Variants in CSMD3 observed in about 807,000 individuals in gnomAD.
CSMD3 encodes the protein CUB and sushi domain-containing protein 3.
Under a neutral mutation model 435.2 loss-of-function variants are expected in CSMD3, and 177 were observed. The ratio of observed to expected loss-of-function variants is 0.41; its 90% CI spans 0.36 to 0.46. CSMD3 has a LOEUF of 0.46. CSMD3 is among the 20% of genes least tolerant of loss of function. The pLI is 0.34. For missense variants in CSMD3, 4,265 were observed against 4,504.6 expected (o/e 0.95, Z 1.52); for synonymous variants, 1,656 against 1,520.5 (o/e 1.09, Z -2.07).
chr8:112,561,609 G>A (rs1316851703), intron 24 of CSMD3, among the ~76,000 whole-genome samples: 5 of 151,450 alleles, frequency 3.3e-5, no homozygotes, highest in East Asian at 1.9e-4. Context: ...TCATCTTCAC[G>A]TTAATATTAT....
chr8:112,340,060 A>G (rs561963931), intron 42 of CSMD3, among the ~76,000 whole-genome samples: 2 of 152,192 alleles, frequency 1.3e-5, no homozygotes, highest in Non-Finnish European at 2.9e-5. Flanking sequence ...CATCATTCAA[A>G]TAAGAACATT....
At chr8:112,800,619 ATAT>A (rs1449256452) in intron 12 of CSMD3, among the ~76,000 whole-genome samples, 2 of 152,072 alleles carry the variant, frequency 1.3e-5, no homozygotes, top group Non-Finnish European at 2.9e-5. Flanking sequence ...CACCACAAAT[ATAT>A]CTTAACATTC....
At chr8:112,806,614 C>T (rs1020452713) in intron 12 of CSMD3, among the ~76,000 whole-genome samples, 3 of 152,062 alleles carry the variant, frequency 2.0e-5, no homozygotes, top group Admixed American at 6.6e-5. Context: ...TTTACCAGAT[C>T]CTGATCAAAT....
chr8:112,702,773 G>A (rs1476524102), intron 13 of CSMD3, among the ~76,000 whole-genome samples: 2 of 152,016 alleles, frequency 1.3e-5, no homozygotes, highest in Non-Finnish European at 2.9e-5. Flanking sequence ...TTCTTTGCCT[G>A]ATCGCTATGT....
chr8:113,009,152 T>C (rs1221547417), intron 6 of CSMD3, among the ~76,000 whole-genome samples: 1 of 151,808 alleles, frequency 6.6e-6, no homozygotes, highest in Non-Finnish European at 1.5e-5. Flanking sequence ...CAAAGGAGTC[T>C]AGAACCATGT....
chr8:112,915,138 T>C (rs1166274399), intron 10 of CSMD3, among the ~76,000 whole-genome samples: 1 of 151,916 alleles, frequency 6.6e-6, no homozygotes, highest in African/African-American at 2.4e-5. Flanking sequence ...AACATTTCCT[T>C]TTATATAGGT....
intron 7 of CSMD3, among the ~76,000 whole-genome samples, chr8:112,966,241 A>T (rs543329383): frequency 8.8e-4 from 133 of 151,832 alleles, no homozygotes; most frequent in African/African-American, 2.8e-3. Context: ...ATAATTTTTT[A>T]AAAGTTATAA....
intron 7 of CSMD3, among the ~76,000 whole-genome samples, chr8:112,956,717 GT>G (rs1216508836): frequency 6.6e-6 from 1 of 152,094 alleles, no homozygotes; most frequent in Non-Finnish European, 1.5e-5. Flanking sequence ...CAGTGGCAGT[GT>G]GTGTAAAAGG....
chr8:112,770,916 A>T (rs2078097085), intron 13 of CSMD3, among the ~76,000 whole-genome samples: 1 of 152,004 alleles, frequency 6.6e-6, no homozygotes, highest in Non-Finnish European at 1.5e-5. Context: ...TAGGATTTTC[A>T]AACTGATGAG....
chr8:112,648,189 G>T (rs764023039), intron 19 of CSMD3, among the ~76,000 whole-genome samples: 3 of 152,110 alleles, frequency 2.0e-5, no homozygotes, highest in African/African-American at 7.2e-5. Context: ...ACTAGTTACC[G>T]CTGGGGCAAA....
At chr8:112,597,484 A>C (rs1438402877) in intron 22 of CSMD3, among the ~76,000 whole-genome samples, 4 of 127,524 alleles carry the variant, frequency 3.1e-5, no homozygotes, top group Admixed American at 7.9e-5. Context: ...TCCAATCAAT[A>C]GAAAAAGAGG....
chr8:112,273,867 C>T (rs192624362), intron 59 of CSMD3, among the ~76,000 whole-genome samples: 1 of 146,926 alleles, frequency 6.8e-6, no homozygotes, highest in African/African-American at 2.5e-5. Context: ...CATAAAGGGC[C>T]AGTGAGATAA....
intron 64 of CSMD3, among the ~76,000 whole-genome samples, chr8:112,245,002 T>C (rs1489321390): frequency 2.0e-5 from 3 of 151,822 alleles, no homozygotes; most frequent in Admixed American, 6.6e-5. Flanking sequence ...TATTATTTTA[T>C]AAATTTTAAA....
intron 1 of CSMD3, among the ~76,000 whole-genome samples, chr8:113,434,595 A>G (rs1325042175): frequency 6.6e-6 from 1 of 152,214 alleles, no homozygotes; most frequent in Non-Finnish European, 1.5e-5. Flanking sequence ...CCGATGAGTG[A>G]CAATAACTTT....
chr8:112,579,544 CTT>C (rs1830190144), intron 23 of CSMD3, among the ~76,000 whole-genome samples: 1 of 151,832 alleles, frequency 6.6e-6, no homozygotes, highest in African/African-American at 2.4e-5. Context: ...ATGTATTGCT[CTT>C]GTTTTTAATA....
intron 20 of CSMD3, chr8:112,643,410 T>C (rs995333133): frequency 5.1e-5 from 6 of 118,344 alleles, no homozygotes; most frequent in African/African-American, 3.0e-4. Flanking sequence ...TTTTCCTTCA[T>C]GTAAATTTGC....
intron 41 of CSMD3, among the ~76,000 whole-genome samples, chr8:112,343,684 G>C (rs1205184952): frequency 1.3e-5 from 2 of 151,924 alleles, no homozygotes. Context: ...TTTAAAGACA[G>C]GGTGGCCCAG....
chr8:113,296,486 T>C (rs2093722800), intron 2 of CSMD3, among the ~76,000 whole-genome samples: 1 of 151,894 alleles, frequency 6.6e-6, no homozygotes, highest in African/African-American at 2.4e-5. Flanking sequence ...ACTGTGCCAC[T>C]GCACACCAGT....
In CSMD3 at chr8:112,682,431, A is replaced by G. The variant is rs1352605410; in HGVS notation, c.2677+11T>C. 6.2e-7 allele frequency: 1 copy of G among 1,603,124 alleles called. No homozygotes were observed. Among genetic ancestry groups the G allele is most frequent in the Non-Finnish European group, 8.5e-7 (1 of 1,171,906 alleles). The stretch of plus-strand genomic sequence containing the variant: ...GATGAGGTTCTATTTCTCACTCACT[A>G]CTACACTTACCTCCACATTTTGGAA... On this transcript the variant is annotated intron_variant, in intron 16 of 70. Coordinates refer to ENST00000297405, the MANE Select transcript of CSMD3 (RefSeq NM_198123.2).
Sources: allele counts gnomAD v4.1 joint callset (sites outside exome capture counted in the v4.1 genomes callset), GRCh38; gene constraint gnomAD v4.1.1; transcripts MANE v1.5; gene names NCBI Gene and HGNC (gene_info 2026-07-23, HGNC 2026-07-21).